CTNNA2: variants seen among roughly 807,000 people sequenced by gnomAD.
The protein encoded by CTNNA2 is catenin alpha 2.
CTNNA2 carries 42 observed loss-of-function variants against 101.0 expected under a neutral mutation model. The observed-to-expected ratio is 0.42, with a 90% CI of 0.32 to 0.54. The LOEUF (loss-of-function observed/expected upper bound fraction) is 0.54. Ranked by LOEUF, CTNNA2 falls within the 20% of genes least tolerant of loss-of-function variation. The probability of loss-of-function intolerance (pLI) is 0.14; values close to 1 mark genes in which losing one functional copy is unlikely to be tolerated. For missense variants in CTNNA2, 871 were observed against 1,223.1 expected, an observed-to-expected ratio of 0.71 and a Z score of 4.29; for synonymous variants, 450 against 456.4, an observed-to-expected ratio of 0.99 and a Z score of 0.18.
intron 9 of CTNNA2, among the ~76,000 whole-genome samples, chr2:80,507,695 G>A (rs942423545): frequency 2.0e-5 from 3 of 152,080 alleles, no homozygotes; most frequent in Non-Finnish European, 4.4e-5. Flanking sequence ...AATAAGACTC[G>A]AATTTAGCAC....
intron 1 of CTNNA2, among the ~76,000 whole-genome samples, chr2:79,548,442 G>A (rs1673877742): frequency 6.6e-6 from 1 of 152,088 alleles, no homozygotes; most frequent in Non-Finnish European, 1.5e-5. Flanking sequence ...TAATGTCATA[G>A]AATTGTTTAT....
intron 3 of CTNNA2, among the ~76,000 whole-genome samples, chr2:79,335,787 T>A (rs961287443): frequency 6.6e-6 from 1 of 152,180 alleles, no homozygotes; most frequent in African/African-American, 2.4e-5. Context: ...GCTCAATCTA[T>A]GTAAGCAAGA....
At chr2:79,758,070 G>A (rs1672515528) in intron 3 of CTNNA2, among the ~76,000 whole-genome samples, 1 of 152,060 alleles carries the variant, frequency 6.6e-6, no homozygotes, top group Non-Finnish European at 1.5e-5. Flanking sequence ...TGATCTTTCC[G>A]ATAGATCATG....
intron 2 of CTNNA2, among the ~76,000 whole-genome samples, chr2:79,655,716 C>G (rs751730018): frequency 1.7e-4 from 26 of 151,780 alleles, no homozygotes; most frequent in Non-Finnish European, 3.5e-4. Context: ...GTAAACCCAG[C>G]TACTCAGGAG....
At chr2:80,075,776 TAAA>T (rs551168794) in intron 7 of CTNNA2, among the ~76,000 whole-genome samples, 1 of 134,330 alleles carries the variant, frequency 7.4e-6, no homozygotes, top group Non-Finnish European at 1.5e-5. Flanking sequence ...ATAAATATTA[TAAA>T]ATAATATTTA....
At chr2:79,312,533 A>G (rs545553462) in intron 2 of CTNNA2, among the ~76,000 whole-genome samples, 1 of 152,334 alleles carries the variant, frequency 6.6e-6, no homozygotes, top group East Asian at 1.9e-4. Flanking sequence ...TTGTGTTTAA[A>G]TGCAAAATCA....
chr2:79,336,705 C>T (rs1488674292), intron 3 of CTNNA2, among the ~76,000 whole-genome samples: 1 of 151,942 alleles, frequency 6.6e-6, no homozygotes, highest in African/African-American at 2.4e-5. Context: ...GAAGAGCCCC[C>T]ACCCCTCCCT....
At chr2:80,105,412 C>G (rs569849921) in intron 7 of CTNNA2, among the ~76,000 whole-genome samples, 70 of 152,296 alleles carry the variant, frequency 4.6e-4, no homozygotes, top group Non-Finnish European at 7.8e-4. Flanking sequence ...GTACATAAAG[C>G]TTTACCTATC....
chr2:79,551,255 T>C (rs1674081159), intron 1 of CTNNA2, among the ~76,000 whole-genome samples: 1 of 152,142 alleles, frequency 6.6e-6, no homozygotes, highest in African/African-American at 2.4e-5. Context: ...AAAGAGGTTT[T>C]GAGGACCTCA....
intron 4 of CTNNA2, among the ~76,000 whole-genome samples, chr2:79,388,330 C>A (rs1678130508): frequency 6.6e-6 from 1 of 152,134 alleles, no homozygotes; most frequent in African/African-American, 2.4e-5. Flanking sequence ...AATTAATGGT[C>A]ATCTCTAGAA....
intron 7 of CTNNA2, among the ~76,000 whole-genome samples, chr2:80,179,085 ATTGC>A (rs1403218629): frequency 6.6e-6 from 1 of 152,226 alleles, no homozygotes; most frequent in Non-Finnish European, 1.5e-5. Context: ...GAGAAGGTAT[ATTGC>A]TGGTCTTGAC....
chr2:80,448,869 T>G (rs556704171), intron 9 of CTNNA2, among the ~76,000 whole-genome samples: 2 of 152,230 alleles, frequency 1.3e-5, no homozygotes, highest in South Asian at 4.1e-4. Flanking sequence ...TCCCCAGCTC[T>G]CCTTCCTTTC....
intron 9 of CTNNA2, among the ~76,000 whole-genome samples, chr2:80,434,428 A>G (rs1430710749): frequency 6.7e-6 from 1 of 148,558 alleles, no homozygotes; most frequent in African/African-American, 2.5e-5. Flanking sequence ...ACTTCGAAGG[A>G]GCTGATGATC....
chr2:80,486,361 A>G (rs955648684), intron 9 of CTNNA2, among the ~76,000 whole-genome samples: 1 of 152,204 alleles, frequency 6.6e-6, no homozygotes, highest in African/African-American at 2.4e-5. Flanking sequence ...TTGTTTCACT[A>G]TTCACAAACC....
intron 3 of CTNNA2, among the ~76,000 whole-genome samples, chr2:79,800,843 A>G (rs1251206156): frequency 1.3e-5 from 2 of 152,154 alleles, no homozygotes; most frequent in Non-Finnish European, 2.9e-5. Context: ...TTTTGTTGCA[A>G]TGTGATGTGA....
chr2:80,287,785 C>T lies in CTNNA2; in HGVS notation c.1057-105426C>T, dbSNP rs141988159. On this transcript the variant is annotated intron_variant, in intron 7 of 18. Transcript: ENST00000402739. Reference sequence around the variant, plus strand: ...CATTTTTCATTCCCTAGAGCCCTAACGGCTGACAAACATGACAAAGGGAAG... The same window carrying T: ...CATTTTTCATTCCCTAGAGCCCTAATGGCTGACAAACATGACAAAGGGAAG... 3.0e-4 allele frequency among the ~76,000 whole-genome samples: 45 copies of T among 152,168 alleles called. No homozygotes were observed. In the East Asian group the frequency reaches 6.6e-3, roughly 22 times the overall value.
At chr2:80,195,598 G>A (rs1281192443) in intron 7 of CTNNA2, among the ~76,000 whole-genome samples, 1 of 149,910 alleles carries the variant, frequency 6.7e-6, no homozygotes, top group Non-Finnish European at 1.5e-5. Context: ...GCCCATGGTG[G>A]AAAACCAAAA....
chr2:80,558,635 T>C (rs558669446), intron 12 of CTNNA2, among the ~76,000 whole-genome samples: 24 of 152,288 alleles, frequency 1.6e-4, no homozygotes, highest in African/African-American at 4.6e-4. Context: ...TGTTTCTGAC[T>C]TAAACAATTT....
At chr2:79,483,780 G>A (rs779518165) in intron 4 of CTNNA2, among the ~76,000 whole-genome samples, 2 of 152,174 alleles carry the variant, frequency 1.3e-5, no homozygotes, top group African/African-American at 2.4e-5. Context: ...TGGTGTATAC[G>A]TATGCCACAT....
Sources: gnomAD v4.1 joint callset for allele counts (sites outside exome capture counted in the v4.1 genomes callset) on GRCh38, gnomAD v4.1.1 for gene constraint, MANE v1.5 for transcripts, NCBI Gene and HGNC (gene_info 2026-07-23, HGNC 2026-07-21) for gene names.